The following DNAH10 variants were observed in gnomAD, a reference collection of about 807,000 sequenced individuals.
DNAH10 encodes the protein dynein axonemal heavy chain 10.
In DNAH10, 348 loss-of-function variants were observed where a neutral mutation model predicts 506.6. The ratio of observed to expected loss-of-function variants is 0.69; its 90% CI spans 0.63 to 0.75. The LOEUF is 0.75. Among genes scored for constraint, DNAH10 ranks in the 30% least tolerant of loss-of-function variants. DNAH10 has a pLI of 0.00. For synonymous variants in DNAH10, 2,059 were observed against 2,198.6 expected (o/e 0.94, Z 1.78); for missense variants, 5,179 against 5,787.1 (o/e 0.89, Z 3.41).
rs536057371 is a variant in DNAH10, at chr12:123,778,939, G to A, written c.622-2141G>A. 4.7e-5 allele frequency among the ~76,000 whole-genome samples: 7 copies of A among 149,998 alleles called. No homozygotes were observed. The South Asian group carries it at 1.1e-3, about 23-fold the overall frequency. The stretch of plus-strand genomic sequence containing the variant: ...TTTTGAGGCGGAGTCTCACTGTGTC[G>A]CCCAGTCTGGAGTGTAGTAGTGCGA... On this transcript the variant is annotated intron_variant, in intron 5 of 78. Transcript: ENST00000673944.
In DNAH10 at chr12:123,799,666, A is replaced by G. The variant is rs114202734; in HGVS notation, c.2289+295A>G. On this transcript the variant is annotated intron_variant, in intron 14 of 78. Coordinates refer to ENST00000673944, the MANE Select transcript of DNAH10 (RefSeq NM_001372106.1). ...ATAAATCAGATGATGTAGACAAGCAAAGGGTTGGTTGAATCATATATGAAA... is the reference window on the plus strand; with the variant it reads ...ATAAATCAGATGATGTAGACAAGCAGAGGGTTGGTTGAATCATATATGAAA... Among the ~76,000 whole-genome samples the G allele has an allele frequency of 6.2e-3, 947 of 152,294 alleles. 19 individuals carry two copies. The highest frequency in any genetic ancestry group is 0.021 in the African/African-American group (880 of 41,570).
At chr12:123,803,069 G>A (rs1436763937) in intron 16 of DNAH10, among the ~76,000 whole-genome samples, 1 of 152,084 alleles carries the variant, frequency 6.6e-6, no homozygotes, top group African/African-American at 2.4e-5. Flanking sequence ...AGCAAAAACT[G>A]TAAATTTCAA....
At chr12:123,877,267 G>C (rs1952294151) in intron 47 of DNAH10, among the ~76,000 whole-genome samples, 1 of 152,010 alleles carries the variant, frequency 6.6e-6, no homozygotes, top group Non-Finnish European at 1.5e-5. Flanking sequence ...TGTTCTCAAG[G>C]GTCATCCGTG....
intron 1 of DNAH10, among the ~76,000 whole-genome samples, chr12:123,767,199 C>T (rs1038614390): frequency 1.4e-4 from 21 of 152,166 alleles, no homozygotes; most frequent in Admixed American, 5.9e-4. Context: ...TGAGCCACTG[C>T]GCCTGGCCTC....
chr12:123,865,974 C>A lies in DNAH10; in HGVS notation c.7068C>A (p.Ser2356=), dbSNP rs1382684180. The change falls in exon 41 of 79, where the codon TCC becomes TCA. Residue 2356 remains serine (S), a synonymous_variant. Transcript: ENST00000673944. ...LFEVGDLQYA[S]PATVSRCGMV... is the part of the protein sequence containing the mutation. The stretch of plus-strand genomic sequence containing the variant: ...AGGTTGGAGATTTACAGTATGCCTC[C>A]CCTGCAACTGTCTCTCGATGTGGAA... The A allele has an allele frequency of 6.2e-7, 1 of 1,606,246 alleles. No individual in the cohort carries two copies. The highest frequency in any genetic ancestry group is 8.5e-7 in the Non-Finnish European group (1 of 1,177,238).
In DNAH10 at chr12:123,845,589, G is replaced by T. The variant is rs376111186; in HGVS notation, c.5361-11G>T. 2 of 1,611,536 alleles carry T rather than the reference G, an allele frequency of 1.2e-6. No individual in the cohort carries two copies. The highest frequency in any genetic ancestry group is 1.7e-6 in the Non-Finnish European group (2 of 1,179,724). ...TGATCAGAGCCTCTTACAGGTGTGC[G>T]TTTTCTGCAGAGTCGACTGGATGCT... On this transcript the variant is annotated splice_polypyrimidine_tract_variant and intron_variant, in intron 30 of 78. Transcript: ENST00000673944.
chr12:123,855,424 C>T (rs778721561), intron 36 of DNAH10, among the ~76,000 whole-genome samples: 4 of 151,862 alleles, frequency 2.6e-5, no homozygotes, highest in Non-Finnish European at 5.9e-5. Context: ...AGTTTGAGAC[C>T]AGCCTAGGCA....
In DNAH10 at chr12:123,909,660, G is replaced by A. The variant is rs537530165; in HGVS notation, c.9997+218G>A. On this transcript the variant is annotated intron_variant, in intron 58 of 78. Transcript: ENST00000673944. This position sits in a 1 kb window ranked among gnomAD's most constrained non-coding sequence, Gnocchi z 5.4. Reference sequence around the variant, plus strand: ...TGGCTGGGGATGCGCGGCGGCAGCCGTGCCCACTGAGGGTTCGATTCGGCA... The same window carrying A: ...TGGCTGGGGATGCGCGGCGGCAGCCATGCCCACTGAGGGTTCGATTCGGCA... Among the ~76,000 whole-genome samples, 17 of 152,344 alleles carry A rather than the reference G, an allele frequency of 1.1e-4. No individual in the cohort carries two copies. The highest frequency in any genetic ancestry group is 9.6e-4 in the East Asian group (5 of 5,186).
Position 123,925,021 on chromosome 12 carries a change from G to A in DNAH10, c.11767-29G>A, listed in dbSNP as rs377011399. ...GGACCTATGTCATTTCTGAGTTGAC[G>A]CACAATGAATATTCTTTGCTTTTCC... On this transcript the variant is annotated intron_variant, in intron 67 of 78. Coordinates refer to ENST00000673944, the MANE Select transcript of DNAH10 (RefSeq NM_001372106.1). This position sits in a 1 kb window ranked among gnomAD's most constrained non-coding sequence, Gnocchi z 4.0. The A allele has an allele frequency of 2.4e-5, 39 of 1,611,026 alleles. No individual in the cohort carries two copies. Among genetic ancestry groups the A allele is most frequent in the Non-Finnish European group, 3.1e-5 (37 of 1,177,906 alleles).
In DNAH10 at chr12:123,917,567, C is replaced by G; in HGVS notation, c.11003-17C>G. The stretch of plus-strand genomic sequence containing the variant: ...TGGGGGCCGCAGGTGGTGAGGGCCT[C>G]TCACTGTCCCCCACAGTCACGCTGA... On this transcript the variant is annotated splice_polypyrimidine_tract_variant and intron_variant, in intron 63 of 78. Coordinates refer to ENST00000673944, the MANE Select transcript of DNAH10 (RefSeq NM_001372106.1). This position sits in a 1 kb window ranked among gnomAD's most constrained non-coding sequence, Gnocchi z 5.6. 6.5e-7 allele frequency: 1 copy of G among 1,549,472 alleles called. No homozygotes were observed. The highest frequency in any genetic ancestry group is 8.7e-7 in the Non-Finnish European group (1 of 1,146,202).
At chr12:123,841,743 C>G (rs575525085) in intron 30 of DNAH10, among the ~76,000 whole-genome samples, 198 bp downstream of exon 30, 119 of 152,236 alleles carry the variant, frequency 7.8e-4, no homozygotes, top group African/African-American at 2.9e-3. Context: ...GGCTGGAATA[C>G]AGTGGTACAA....
At position 123,821,949 on chromosome 12, in the gene DNAH10, G is replaced by A. The variant is rs375822207; in HGVS notation, c.4179+1191G>A. On this transcript the variant is annotated intron_variant, in intron 24 of 78. Transcript: ENST00000673944. ...GTTCCGGGCACAGTGGCTCACACCT[G>A]TAATCCCAGCACTTTGGGAGGCAAG... Among the ~76,000 whole-genome samples, 5 of 152,224 alleles carry A rather than the reference G, an allele frequency of 3.3e-5. No homozygotes were observed. The South Asian group carries it at 8.3e-4, about 25-fold the overall frequency.
At position 123,820,691 on chromosome 12, in the gene DNAH10, A is replaced by T. The variant is rs1466397771; in HGVS notation, c.4112A>T (p.Glu1371Val). The T allele has an allele frequency of 6.2e-7, 1 of 1,613,988 alleles. No individual in the cohort carries two copies. The highest frequency in any genetic ancestry group is 1.1e-5 in the South Asian group (1 of 91,086). ...GATCTTCCTATTACAATGTACCCAG[A>T]GCTGCTGAAAGTGCAGAAGGAAATG... ...LFDLPITMYP[E>V]LLKVQKEMSG... The change falls in exon 24 of 79, where the codon GAG (glutamate) becomes GTG (valine). Residue 1371 changes from glutamate to valine, a missense_variant. Coordinates refer to ENST00000673944, the MANE Select transcript of DNAH10 (RefSeq NM_001372106.1).
intron 67 of DNAH10, among the ~76,000 whole-genome samples, chr12:123,924,658 C>T (rs1044638811): frequency 4.0e-5 from 6 of 150,162 alleles, no homozygotes; most frequent in Admixed American, 1.3e-4. Context: ...ATCCATCCAC[C>T]TACCCACCCA....
intron 50 of DNAH10, among the ~76,000 whole-genome samples, chr12:123,880,654 CTTTTT>C (rs35412520): frequency 5.4e-5 from 8 of 147,532 alleles, no homozygotes; most frequent in Non-Finnish European, 4.5e-5. Flanking sequence ...TTTAAATTCT[CTTTTT>C]TTTTTTAATG....
At position 123,826,840 on chromosome 12, in the gene DNAH10, G is replaced by T; in HGVS notation, c.4333G>T (p.Ala1445Ser). Residue 1445 changes from alanine (A) to serine (S), a missense_variant, in exon 25 of 79, where the codon GCA (alanine) becomes TCA (serine). Ala to Ser is a moderately conservative substitution (Grantham distance 99). Transcript: ENST00000673944. ...VTYYLEAKMK[A>S]FKDSIPLLLD... ...CTACTACTTGGAAGCAAAAATGAAG[G>T]CATTCAAAGACTCGATTCCTTTACT... The T allele has an allele frequency of 6.2e-7, 1 of 1,613,968 alleles. No homozygotes were observed. Among genetic ancestry groups the T allele is most frequent in the Non-Finnish European group, 8.5e-7 (1 of 1,179,880 alleles).
At chr12:123,868,223 A>G (rs543395368) in intron 43 of DNAH10, 104 bp downstream of exon 43, 6 of 1,067,666 alleles carry the variant, frequency 5.6e-6, no homozygotes, top group Non-Finnish European at 8.0e-6. Context: ...TGAGTTTTCC[A>G]GATTGTTTGC....
intron 6 of DNAH10, 144 bp from the exon 7 acceptor site, chr12:123,782,963 A>G (rs760993147): frequency 1.3e-5 from 8 of 621,710 alleles, no homozygotes; most frequent in Non-Finnish European, 1.7e-5. Flanking sequence ...AGAATGAGAT[A>G]CAGATATTAT....
rs752306598 is a variant in DNAH10 at position 123,914,341 on chromosome 12, C to G, written c.10365C>G (p.Asp3455Glu). 3.7e-6 allele frequency: 6 copies of G among 1,612,572 alleles called. No homozygotes were observed. The highest frequency in any genetic ancestry group is 2.7e-5 in the African/African-American group (2 of 74,932). ...LGSENIRWLNDLDELMHRRVK... is the reference protein window; with the variant it reads ...LGSENIRWLNELDELMHRRVK... ...CCTCCCGTGCCAGGTGGCTGAACGA[C>G]CTGGATGAGCTGATGCACCGGCGCG... Residue 3455 changes from aspartate (D) to glutamate (E), a missense_variant, in exon 61 of 79, where the codon GAC (aspartate) becomes GAG (glutamate). Physicochemically the swap from Asp to Glu is conservative, Grantham distance 45. Coordinates refer to ENST00000673944, the MANE Select transcript of DNAH10 (RefSeq NM_001372106.1).
Sources: gnomAD v4.1 joint callset for allele counts (sites outside exome capture counted in the v4.1 genomes callset) on GRCh38, gnomAD v4.1.1 for gene constraint, Gnocchi (gnomAD v3.1) non-coding constraint, MANE v1.5 for transcripts, NCBI Gene and HGNC (gene_info 2026-07-23, HGNC 2026-07-21) for gene names.